The following TAFA4 variants were observed in gnomAD, a reference collection of about 807,000 sequenced individuals.
TAFA4 encodes chemokine-like protein TAFA-4.
In TAFA4, 20 loss-of-function variants were observed where a neutral mutation model predicts 21.1. The observed-to-expected ratio is 0.95, with a 90% CI of 0.67 to 1.38. The LOEUF is 1.38. Ranked by LOEUF, TAFA4 falls within the 40% of genes most tolerant of loss-of-function variation. The pLI is 0.00. For missense variants in TAFA4, 211 were observed against 180.9 expected, an observed-to-expected ratio of 1.17 and a Z score of -0.95; for synonymous variants, 71 against 67.4, an observed-to-expected ratio of 1.05 and a Z score of -0.26.
At chr3:68,837,793 T>C (rs1476365531) in intron 3 of TAFA4, among the ~76,000 whole-genome samples, 1 of 152,300 alleles carries the variant, frequency 6.6e-6, no homozygotes, top group African/African-American at 2.4e-5. Context: ...AAAATATCAA[T>C]GGGAGATTTG....
chr3:68,772,027 A>AT (rs112999992), intron 3 of TAFA4, among the ~76,000 whole-genome samples: 12,901 of 146,842 alleles, frequency 0.088, 728 homozygotes, highest in African/African-American at 0.18. Context: ...AGGGATGAAG[A>AT]TTTTTTTTTT....
chr3:68,806,822 C>A (rs531013496), intron 3 of TAFA4, among the ~76,000 whole-genome samples: 1 of 152,266 alleles, frequency 6.6e-6, no homozygotes, highest in South Asian at 2.1e-4. Context: ...CACCTAAAAT[C>A]TGACCATGCT....
At position 68,885,296 on chromosome 3, in the gene TAFA4, C is replaced by T. The variant is rs563817435; in HGVS notation, c.-108G>A. ...CATTTCTGCCGTTCCAAAAAATTAT[C>T]GTAGCTCAGAAGACCTATGTTAAAA... On this transcript the variant is annotated 5_prime_UTR_variant, in exon 2 of 6. Transcript: ENST00000295569. 10 of 997,618 alleles carry T rather than the reference C, an allele frequency of 1.0e-5. No individual in the cohort carries two copies. The highest frequency in any genetic ancestry group is 8.2e-5 in the African/African-American group (5 of 60,768). 61.8% of individuals were successfully genotyped at this position (997,618 alleles called of 1,614,324 possible). A position where few individuals can be genotyped will look rare whatever the true frequency, so the allele number is the denominator to read the frequency against.
chr3:68,923,649 A>G (rs1317724808), intron 1 of TAFA4, among the ~76,000 whole-genome samples: 2 of 152,134 alleles, frequency 1.3e-5, no homozygotes, highest in African/African-American at 2.4e-5. Flanking sequence ...TTGATAAAAT[A>G]CCAATTTCAC....
chr3:68,784,284 G>A (rs1202726388), intron 3 of TAFA4, among the ~76,000 whole-genome samples: 1 of 152,202 alleles, frequency 6.6e-6, no homozygotes, highest in Non-Finnish European at 1.5e-5. Context: ...AGTGTGTCCG[G>A]AATTGGTGGG....
intron 3 of TAFA4, among the ~76,000 whole-genome samples, chr3:68,831,132 C>T (rs778985521): frequency 1.8e-4 from 27 of 152,150 alleles, no homozygotes; most frequent in Non-Finnish European, 2.9e-4. Flanking sequence ...TGAGTCTTGA[C>T]TCTTTATCCA....
At chr3:68,882,885 G>C (rs1036212756) in intron 2 of TAFA4, 5 of 152,242 alleles carry the variant, frequency 3.3e-5, no homozygotes, top group African/African-American at 1.2e-4. Context: ...CTTCAAAGCA[G>C]AGAGGCTCCA....
At chr3:68,924,351 T>G (rs1314130912) in intron 1 of TAFA4, among the ~76,000 whole-genome samples, 1 of 152,154 alleles carries the variant, frequency 6.6e-6, no homozygotes, top group Non-Finnish European at 1.5e-5. Flanking sequence ...CTTGAAGACA[T>G]TATGCTAAGT....
At chr3:68,854,886 C>G (rs990554500) in intron 3 of TAFA4, among the ~76,000 whole-genome samples, 1 of 152,076 alleles carries the variant, frequency 6.6e-6, no homozygotes, top group African/African-American at 2.4e-5. Flanking sequence ...CTCCAAAAAT[C>G]AATCACAACT....
chr3:68,776,662 T>G (rs1413518098), intron 3 of TAFA4, among the ~76,000 whole-genome samples: 1 of 152,152 alleles, frequency 6.6e-6, no homozygotes, highest in Admixed American at 6.5e-5. Context: ...CTGGACTTAC[T>G]TACTATTTAT....
At chr3:68,858,046 C>G (rs1705110245) in intron 3 of TAFA4, among the ~76,000 whole-genome samples, 1 of 152,070 alleles carries the variant, frequency 6.6e-6, no homozygotes, top group African/African-American at 2.4e-5. Context: ...GCTTTTCCTC[C>G]CCTCTGTGGA....
intron 3 of TAFA4, among the ~76,000 whole-genome samples, chr3:68,850,399 A>G (rs1356376869): frequency 6.6e-6 from 1 of 152,198 alleles, no homozygotes; most frequent in East Asian, 1.9e-4. Context: ...AAAACAGACA[A>G]TAAGTAAAAT....
intron 1 of TAFA4, among the ~76,000 whole-genome samples, chr3:68,928,396 A>C (rs1268681583): frequency 2.0e-5 from 3 of 152,230 alleles, no homozygotes; most frequent in Non-Finnish European, 4.4e-5. Flanking sequence ...ACTAAAAGGC[A>C]CTAAGTATGA....
chr3:68,890,308 G>C (rs1437341731), intron 1 of TAFA4, among the ~76,000 whole-genome samples: 1 of 152,112 alleles, frequency 6.6e-6, no homozygotes, highest in Non-Finnish European at 1.5e-5. Flanking sequence ...ACTCTTCTAT[G>C]AACTTTTCAT....
chr3:68,894,464 A>G (rs968676624), intron 1 of TAFA4, among the ~76,000 whole-genome samples: 1 of 152,162 alleles, frequency 6.6e-6, no homozygotes, highest in Non-Finnish European at 1.5e-5. Context: ...TTACTTCTAT[A>G]ACACAAGTCT....
chr3:68,823,522 G>T (rs536642847), intron 3 of TAFA4, among the ~76,000 whole-genome samples: 1 of 152,118 alleles, frequency 6.6e-6, no homozygotes, highest in African/African-American at 2.4e-5. Context: ...TGCCCTGGTG[G>T]TTCACTACAC....
intron 3 of TAFA4, among the ~76,000 whole-genome samples, chr3:68,799,985 G>T (rs1027053919): frequency 6.6e-6 from 1 of 151,982 alleles, no homozygotes; most frequent in Non-Finnish European, 1.5e-5. Flanking sequence ...GGGGATCTAG[G>T]TTGCCGCTCC....
At chr3:68,752,804 ATTCCTGGTGGGTTT>A in intron 4 of TAFA4, 45 bp downstream of exon 4, 2 of 1,609,960 alleles carry the variant, frequency 1.2e-6, no homozygotes, top group Non-Finnish European at 1.7e-6. Context: ...AAGTAGGGAA[ATTCCTGGTGGGTTT>A]TGGCCTTTTT....
intron 3 of TAFA4, among the ~76,000 whole-genome samples, chr3:68,830,283 G>T (rs1704352021): frequency 6.6e-6 from 1 of 152,094 alleles, no homozygotes; most frequent in Non-Finnish European, 1.5e-5. Context: ...TGATGTTAGG[G>T]TGTCAATTTT....
Sources: allele counts gnomAD v4.1 joint callset (sites outside exome capture counted in the v4.1 genomes callset), GRCh38; gene constraint gnomAD v4.1.1; transcripts MANE v1.5; gene names NCBI Gene and HGNC (gene_info 2026-07-23, HGNC 2026-07-21).